CDK5RAP2: variants seen among roughly 807,000 people sequenced by gnomAD.
The protein encoded by CDK5RAP2 is CDK5 regulatory subunit-associated protein 2.
A neutral mutation model predicts 232.9 loss-of-function variants in CDK5RAP2; 147 were observed. The observed-to-expected ratio is 0.63, with a 90% CI of 0.55 to 0.72. CDK5RAP2 has a LOEUF of 0.72. Among genes scored for constraint, CDK5RAP2 ranks in the 30% least tolerant of loss-of-function variants. The pLI is 0.00. For missense variants in CDK5RAP2, 2,195 were observed against 2,231.5 expected, an observed-to-expected ratio of 0.98 and a Z score of 0.33; for synonymous variants, 833 against 833.7, an observed-to-expected ratio of 1.00 and a Z score of 0.01.
At chr9:120,565,547 C>T (rs1331800494) in intron 3 of CDK5RAP2, among the ~76,000 whole-genome samples, 2 of 152,196 alleles carry the variant, frequency 1.3e-5, no homozygotes, top group Non-Finnish European at 2.9e-5. Context: ...CTGGCCCCTG[C>T]CTGCTTCAAT....
chr9:120,494,875 G>A (rs1234551564), intron 12 of CDK5RAP2, among the ~76,000 whole-genome samples: 7 of 140,112 alleles, frequency 5.0e-5, no homozygotes, highest in African/African-American at 1.1e-4. Flanking sequence ...GCTGCGGCCC[G>A]GGGCAGTGCG....
intron 14 of CDK5RAP2, among the ~76,000 whole-genome samples, chr9:120,482,033 T>C (rs530857143): frequency 2.9e-4 from 44 of 152,326 alleles, no homozygotes; most frequent in South Asian, 1.5e-3. Context: ...TCCAGGGAAC[T>C]TCCCATTTTT....
At chr9:120,398,651 C>T (rs547762607) in intron 35 of CDK5RAP2, among the ~76,000 whole-genome samples, 55 of 152,262 alleles carry the variant, frequency 3.6e-4, no homozygotes, top group African/African-American at 1.3e-3. Flanking sequence ...GAGAAATCTA[C>T]CTTCTATCTG....
At chr9:120,525,578 C>T (rs1009124082) in intron 10 of CDK5RAP2, among the ~76,000 whole-genome samples, 4 of 152,006 alleles carry the variant, frequency 2.6e-5, no homozygotes, top group Non-Finnish European at 2.9e-5. Context: ...GCTCCGATCT[C>T]GGTTGGACCT....
intron 5 of CDK5RAP2, among the ~76,000 whole-genome samples, chr9:120,543,112 C>A (rs569485850): frequency 4.2e-4 from 64 of 152,330 alleles, no homozygotes; most frequent in African/African-American, 1.5e-3. Flanking sequence ...ATGACCTTAA[C>A]CCCAAACAGG....
intron 27 of CDK5RAP2, among the ~76,000 whole-genome samples, chr9:120,415,916 A>C (rs1314323460): frequency 6.6e-6 from 1 of 152,224 alleles, no homozygotes; most frequent in East Asian, 1.9e-4. Flanking sequence ...ACTGTAGTAC[A>C]TTCATGATGA....
intron 1 of CDK5RAP2, among the ~76,000 whole-genome samples, chr9:120,578,955 C>T (rs1420153438): frequency 6.6e-6 from 1 of 152,196 alleles, no homozygotes; most frequent in Non-Finnish European, 1.5e-5. Context: ...AGCAGCTTGT[C>T]CATAGTAGAG....
At chr9:120,423,801 C>A (rs1442401373) in intron 25 of CDK5RAP2, among the ~76,000 whole-genome samples, 1 of 152,240 alleles carries the variant, frequency 6.6e-6, no homozygotes, top group African/African-American at 2.4e-5. Flanking sequence ...AGGAAAAGTT[C>A]TCAAACACCA....
intron 25 of CDK5RAP2, among the ~76,000 whole-genome samples, chr9:120,428,665 T>C (rs1588307508): frequency 6.6e-6 from 1 of 152,304 alleles, no homozygotes; most frequent in East Asian, 1.9e-4. Context: ...CACAGCCAAA[T>C]TCTACCAGAG....
At chr9:120,479,173 C>T (rs1177314885) in intron 14 of CDK5RAP2, among the ~76,000 whole-genome samples, 2 of 151,458 alleles carry the variant, frequency 1.3e-5, no homozygotes, top group South Asian at 2.1e-4. Flanking sequence ...TTATAACCCA[C>T]CAAATAAAAC....
At chr9:120,429,961 T>C (rs2035177710) in intron 25 of CDK5RAP2, among the ~76,000 whole-genome samples, 1 of 152,106 alleles carries the variant, frequency 6.6e-6, no homozygotes, top group Non-Finnish European at 1.5e-5. Context: ...ATGCCGCATA[T>C]CTACAACTAT....
rs1399260197 is a variant in CDK5RAP2 at position 120,458,460 on chromosome 9, G to A, written c.2365C>T (p.Leu789=). The change falls in exon 20 of 38, where the codon CTG becomes TTG. Residue 789 remains leucine (L), a synonymous_variant. Transcript: ENST00000349780. ...GGGCCCCATGTATACCTGGATTCCA[G>A]TAATAATGTGGCCTTCTCATTGAAC... ...PLFNEKATLL[L]ESRPDLLKVV... is the part of the protein sequence containing the mutation. 1.9e-6 allele frequency: 3 copies of A among 1,614,012 alleles called. No individual in the cohort carries two copies. The highest frequency in any genetic ancestry group is 2.2e-5 in the East Asian group (1 of 44,874).
intron 18 of CDK5RAP2, among the ~76,000 whole-genome samples, chr9:120,463,239 C>T (rs985531512): frequency 2.0e-5 from 3 of 152,048 alleles, no homozygotes; most frequent in African/African-American, 7.2e-5. Context: ...GGCATGGTGG[C>T]GGGCGCCTGT....
intron 12 of CDK5RAP2, among the ~76,000 whole-genome samples, chr9:120,514,752 C>A (rs910483289): frequency 6.6e-6 from 1 of 152,192 alleles, no homozygotes; most frequent in East Asian, 1.9e-4. Flanking sequence ...AGTATACTCA[C>A]CCCAATCCCT....
intron 3 of CDK5RAP2, among the ~76,000 whole-genome samples, chr9:120,557,796 G>A (rs1416167843): frequency 3.8e-5 from 5 of 132,704 alleles, no homozygotes; most frequent in African/African-American, 1.1e-4. Flanking sequence ...AGACAGTCTC[G>A]CTCTGTCACC....
At chr9:120,479,095 G>T (rs1041066702) in intron 14 of CDK5RAP2, among the ~76,000 whole-genome samples, 1 of 152,188 alleles carries the variant, frequency 6.6e-6, no homozygotes, top group East Asian at 1.9e-4. Flanking sequence ...GCCAAATCTG[G>T]GATGATTTGA....
Position 120,415,292 on chromosome 9 carries a change from T to C in CDK5RAP2, c.4178-133A>G, listed in dbSNP as rs1588274419. On this transcript the variant is annotated intron_variant, in intron 27 of 37. Coordinates refer to ENST00000349780, the MANE Select transcript of CDK5RAP2 (RefSeq NM_018249.6). Reference sequence around the variant, plus strand: ...AGATGGTTAGCAACTGGCAATTCTTTCCTAGGCATGGGGAGGGTGAGCTAT... The same window carrying C: ...AGATGGTTAGCAACTGGCAATTCTTCCCTAGGCATGGGGAGGGTGAGCTAT... 6 of 991,346 alleles carry C rather than the reference T, an allele frequency of 6.1e-6. No individual in the cohort carries two copies. In the East Asian group the frequency reaches 1.6e-4, roughly 26 times the overall value. The allele number at this position is 991,346 out of a possible 1,614,324, so 61.4% of individuals were successfully genotyped here. A position where few individuals can be genotyped will look rare whatever the true frequency, so the allele number is the denominator to read the frequency against.
intron 15 of CDK5RAP2, among the ~76,000 whole-genome samples, chr9:120,473,993 A>G (rs142819025): frequency 2.0e-5 from 3 of 152,290 alleles, no homozygotes; most frequent in African/African-American, 7.2e-5. Context: ...TCTTCCTGGA[A>G]CTGGGGCAGG....
In CDK5RAP2 at chr9:120,520,537, G is replaced by A. The variant is rs371760278; in HGVS notation, c.1093-1892C>T. On this transcript the variant is annotated intron_variant, in intron 11 of 37. Coordinates refer to ENST00000349780, the MANE Select transcript of CDK5RAP2 (RefSeq NM_018249.6). The stretch of plus-strand genomic sequence containing the variant: ...ATGTGCCTGTAGTCCCAGCTACCCA[G>A]GAGCCTGAGACAGGAGAATTGCTTG... Among the ~76,000 whole-genome samples the A allele has an allele frequency of 3.3e-5, 5 of 152,278 alleles. No individual in the cohort carries two copies. The East Asian group carries it at 9.6e-4, about 29-fold the overall frequency.
Sources: gnomAD v4.1 joint callset for allele counts (sites outside exome capture counted in the v4.1 genomes callset) on GRCh38, gnomAD v4.1.1 for gene constraint, MANE v1.5 for transcripts, NCBI Gene and HGNC (gene_info 2026-07-23, HGNC 2026-07-21) for gene names.